CAMTA1: variants seen among roughly 807,000 people sequenced by gnomAD.
The protein encoded by CAMTA1 is calmodulin binding transcription activator 1, also known as calmodulin-binding transcription activator 1.
A neutral mutation model predicts 170.9 loss-of-function variants in CAMTA1; 27 were observed. That is an observed-to-expected ratio of 0.16 (90% CI 0.12 to 0.22). CAMTA1 has a LOEUF of 0.22. Among genes scored for constraint, CAMTA1 ranks in the 10% least tolerant of loss-of-function variants. The pLI, the probability that CAMTA1 is intolerant of heterozygous loss-of-function variation, is 1.00. For missense variants in CAMTA1, 1,619 were observed against 2,217.2 expected (o/e 0.73, Z 5.42); for synonymous variants, 833 against 891.5 (o/e 0.93, Z 1.17).
At chr1:7,162,608 G>T (rs946541702) in intron 4 of CAMTA1, among the ~76,000 whole-genome samples, 2 of 152,154 alleles carry the variant, frequency 1.3e-5, no homozygotes, top group African/African-American at 4.8e-5. Context: ...TGTTTTCAAG[G>T]TTTATTCATA....
chr1:6,823,336 C>T (rs1216294448), intron 2 of CAMTA1, among the ~76,000 whole-genome samples: 2 of 152,106 alleles, frequency 1.3e-5, no homozygotes, highest in East Asian at 3.8e-4. Flanking sequence ...TCATACAGAA[C>T]TTTCTATGAA....
intron 5 of CAMTA1, among the ~76,000 whole-genome samples, chr1:7,323,952 G>A (rs577277959): frequency 3.9e-4 from 59 of 152,322 alleles, no homozygotes; most frequent in Admixed American, 9.2e-4. Flanking sequence ...TTCCATGTAT[G>A]CTTGAAAAGG....
intron 6 of CAMTA1, among the ~76,000 whole-genome samples, chr1:7,559,565 G>A (rs1294087205): frequency 2.0e-5 from 3 of 152,210 alleles, no homozygotes; most frequent in East Asian, 3.9e-4. Context: ...AGCACAGCTC[G>A]GAGCCCTGCA....
intron 3 of CAMTA1, among the ~76,000 whole-genome samples, chr1:6,955,355 T>C (rs1368821590): frequency 6.6e-6 from 1 of 152,172 alleles, no homozygotes; most frequent in Admixed American, 6.5e-5. Context: ...CTTAGGAAGC[T>C]AGGGGCTGCA....
chr1:7,589,959 G>T lies in CAMTA1; in HGVS notation c.511-50441G>T, dbSNP rs550754180. 3.0e-4 allele frequency among the ~76,000 whole-genome samples: 46 copies of T among 152,198 alleles called. 1 individual carries two copies. Among genetic ancestry groups the T allele is most frequent in the Admixed American group, 1.3e-4 (2 of 15,272 alleles). On this transcript the variant is annotated intron_variant, in intron 6 of 22. Transcript: ENST00000303635. ...GCCTCCCTCTTGCTGGCTGCACAAG[G>T]CGGGGTTGTGTGCAGATGGGATTTT...
chr1:7,105,543 G>T (rs980205109), intron 4 of CAMTA1, among the ~76,000 whole-genome samples: 1 of 152,178 alleles, frequency 6.6e-6, no homozygotes, highest in Non-Finnish European at 1.5e-5. Flanking sequence ...GTTGCTTTGA[G>T]CTGTTTGTTG....
At chr1:7,541,889 C>T (rs1385055819) in intron 6 of CAMTA1, among the ~76,000 whole-genome samples, 1 of 152,182 alleles carries the variant, frequency 6.6e-6, no homozygotes, top group Non-Finnish European at 1.5e-5. Flanking sequence ...TACTGCTCTG[C>T]CTGGCCAACA....
intron 3 of CAMTA1, among the ~76,000 whole-genome samples, chr1:6,880,989 A>G (rs1031314282): frequency 2.0e-5 from 3 of 152,198 alleles, no homozygotes; most frequent in African/African-American, 7.2e-5. Flanking sequence ...TGCCAATTAC[A>G]TTTATTAACT....
chr1:6,917,578 G>A (rs755301560), intron 3 of CAMTA1, among the ~76,000 whole-genome samples: 9 of 152,008 alleles, frequency 5.9e-5, no homozygotes, highest in Non-Finnish European at 1.2e-4. Flanking sequence ...GAAGGGAGGC[G>A]TTAAGGACAG....
At chr1:7,283,327 T>C (rs1054144077) in intron 5 of CAMTA1, among the ~76,000 whole-genome samples, 2 of 152,196 alleles carry the variant, frequency 1.3e-5, no homozygotes, top group Non-Finnish European at 2.9e-5. Context: ...TGGATGTATA[T>C]TGTTCTGTGG....
chr1:6,962,358 A>ACCCCG (rs1352689190), intron 3 of CAMTA1, among the ~76,000 whole-genome samples: 3,114 of 62,314 alleles, frequency 0.05, 53 homozygotes, highest in African/African-American at 0.11. Context: ...GCCCCTCCCC[A>ACCCCG]CCCCGCCCCG....
rs113046292 is a variant in CAMTA1, at chr1:7,248,250, G to T, written c.303-1241G>T. 2.6e-5 allele frequency among the ~76,000 whole-genome samples: 4 copies of T among 152,182 alleles called. No homozygotes were observed. Among genetic ancestry groups the T allele is most frequent in the African/African-American group, 4.8e-5 (2 of 41,432 alleles). ...TTCGTAGCAAGAAGAAAAGAAAGGC[G>T]CTGGAGGGTCTTGCCCCAGCCCTGC... On this transcript the variant is annotated intron_variant, in intron 4 of 22. Coordinates refer to ENST00000303635, the MANE Select transcript of CAMTA1 (RefSeq NM_015215.4). This position sits in a 1 kb window ranked among gnomAD's most constrained non-coding sequence, Gnocchi z 4.0.
At chr1:6,937,840 T>TCAC (rs1251658161) in intron 3 of CAMTA1, among the ~76,000 whole-genome samples, 4 of 149,596 alleles carry the variant, frequency 2.7e-5, no homozygotes, top group African/African-American at 4.9e-5. Flanking sequence ...ATCACTGTCA[T>TCAC]CACCATAATC....
chr1:6,962,488 C>T (rs1338728907), intron 3 of CAMTA1, among the ~76,000 whole-genome samples: 3 of 151,784 alleles, frequency 2.0e-5, no homozygotes, highest in African/African-American at 7.3e-5. Context: ...CCAGCCCCGC[C>T]CCCTCAGAAC....
At chr1:7,180,511 C>CTT (rs397862259) in intron 4 of CAMTA1, among the ~76,000 whole-genome samples, 13,284 of 71,136 alleles carry the variant, frequency 0.19, 1,911 homozygotes, top group Non-Finnish European at 0.19. Flanking sequence ...TGTCACTAGA[C>CTT]TTTTTTTTTT....
At chr1:7,419,310 C>A (rs1211847203) in intron 5 of CAMTA1, among the ~76,000 whole-genome samples, 1 of 152,194 alleles carries the variant, frequency 6.6e-6, no homozygotes, top group Non-Finnish European at 1.5e-5. Context: ...CATCTGCCAC[C>A]ATTCCTGGCT....
intron 9 of CAMTA1, among the ~76,000 whole-genome samples, chr1:7,669,943 C>G (rs570400211): frequency 5.0e-4 from 76 of 152,236 alleles, no homozygotes; most frequent in Non-Finnish European, 8.8e-4. Flanking sequence ...CAGGACTGCC[C>G]GGGCCCCGGA....
At position 7,580,160 on chromosome 1, in the gene CAMTA1, T is replaced by G. The variant is rs1464307932; in HGVS notation, c.511-60240T>G. On this transcript the variant is annotated intron_variant, in intron 6 of 22. Coordinates refer to ENST00000303635, the MANE Select transcript of CAMTA1 (RefSeq NM_015215.4). This position sits in a 1 kb window ranked among gnomAD's most constrained non-coding sequence, Gnocchi z 4.3. ...CTCACAGTCCGAGAGGACACTGGTA[T>G]GTGAACTGAGGCAGCGGGAAGAGCT... Among the ~76,000 whole-genome samples the G allele has an allele frequency of 2.0e-5, 3 of 152,234 alleles. No homozygotes were observed. The highest frequency in any genetic ancestry group is 4.8e-5 in the African/African-American group (2 of 41,466).
At chr1:7,706,643 A>G (rs902018978) in intron 11 of CAMTA1, among the ~76,000 whole-genome samples, 1 of 152,232 alleles carries the variant, frequency 6.6e-6, no homozygotes, top group African/African-American at 2.4e-5. Context: ...TTTAATGTCC[A>G]AGAAAATAGC....
Sources: allele counts gnomAD v4.1 joint callset (sites outside exome capture counted in the v4.1 genomes callset), GRCh38; gene constraint gnomAD v4.1.1; non-coding constraint Gnocchi (gnomAD v3.1); transcripts MANE v1.5; gene names NCBI Gene and HGNC (gene_info 2026-07-23, HGNC 2026-07-21).